Variants in CNTNAP5 observed in about 807,000 individuals in gnomAD.
CNTNAP5 encodes the protein contactin associated protein family member 5.
Under a neutral mutation model 150.2 loss-of-function variants are expected in CNTNAP5, and 72 were observed. The ratio of observed to expected loss-of-function variants is 0.48; its 90% CI spans 0.40 to 0.58. CNTNAP5 has a LOEUF of 0.58. Ranked by LOEUF, CNTNAP5 falls within the 20% of genes least tolerant of loss-of-function variation. CNTNAP5 has a pLI of 0.00. For synonymous variants in CNTNAP5, 672 were observed against 619.8 expected, an observed-to-expected ratio of 1.08 and a Z score of -1.25; for missense variants, 1,636 against 1,626.2, an observed-to-expected ratio of 1.01 and a Z score of -0.10.
At chr2:124,750,414 T>A (rs1224895966) in intron 14 of CNTNAP5, among the ~76,000 whole-genome samples, 3 of 152,218 alleles carry the variant, frequency 2.0e-5, no homozygotes, top group Non-Finnish European at 1.5e-5. Context: ...ATTCAACACT[T>A]CTGAGCTTCA....
At chr2:124,481,120 A>G (rs1033951387) in intron 7 of CNTNAP5, among the ~76,000 whole-genome samples, 4 of 152,190 alleles carry the variant, frequency 2.6e-5, no homozygotes, top group Non-Finnish European at 5.9e-5. Context: ...GGTTCGGGTG[A>G]GGGCTCCCTT....
At chr2:124,891,059 A>AGG in intron 21 of CNTNAP5, among the ~76,000 whole-genome samples, 1 of 152,258 alleles carries the variant, frequency 6.6e-6, no homozygotes, top group East Asian at 1.9e-4. Flanking sequence ...TAGTAGCTTA[A>AGG]ACCAGTATCC....
intron 12 of CNTNAP5, among the ~76,000 whole-genome samples, chr2:124,643,759 T>C (rs1678144936): frequency 6.6e-6 from 1 of 152,232 alleles, no homozygotes; most frequent in African/African-American, 2.4e-5. Context: ...AATATGACCA[T>C]TTTCCAATGA....
rs1333051474 is a variant in CNTNAP5, at chr2:124,593,984, T to C, written c.1757-15817T>C. Among the ~76,000 whole-genome samples, 9 of 98,676 alleles carry C rather than the reference T, an allele frequency of 9.1e-5. 2 individuals carry two copies. The allele number at this position is 98,676 out of a possible 152,430, so 64.7% of individuals were successfully genotyped here. A position where few individuals can be genotyped will look rare whatever the true frequency, so the allele number is the denominator to read the frequency against. On this transcript the variant is annotated intron_variant, in intron 11 of 23. Coordinates refer to ENST00000682447, the MANE Select transcript of CNTNAP5 (RefSeq NM_001367498.1). ...CTTCGCCCACTTTTTGATGGGGTTG[T>C]TTGTTTTTTTCTTGTAAATTTGTTT...
At chr2:124,771,171 C>T (rs190651936) in intron 16 of CNTNAP5, among the ~76,000 whole-genome samples, 38 of 152,098 alleles carry the variant, frequency 2.5e-4, no homozygotes, top group Admixed American at 2.0e-3. Flanking sequence ...TTGGCATTTC[C>T]GATAATTTAA....
intron 10 of CNTNAP5, among the ~76,000 whole-genome samples, chr2:124,536,186 G>T (rs1487650630): frequency 1.3e-5 from 2 of 152,060 alleles, no homozygotes; most frequent in Non-Finnish European, 2.9e-5. Flanking sequence ...GATCATTTCT[G>T]CTTTACTATT....
At chr2:124,855,166 GCTT>G (rs1266990743) in intron 19 of CNTNAP5, among the ~76,000 whole-genome samples, 125 of 77,538 alleles carry the variant, frequency 1.6e-3, no homozygotes, top group African/African-American at 5.2e-3. Flanking sequence ...TTGGGCTTTT[GCTT>G]TTTTTTTTTT....
intron 13 of CNTNAP5, among the ~76,000 whole-genome samples, chr2:124,681,824 A>G (rs1679075691): frequency 6.6e-6 from 1 of 151,870 alleles, no homozygotes; most frequent in South Asian, 2.1e-4. Flanking sequence ...GGCCTTCCTA[A>G]TTGCTGGGAT....
rs79732986 is a variant in CNTNAP5 at position 124,496,914 on chromosome 2, T to C, written c.1063-7378T>C. 1.7e-3 allele frequency among the ~76,000 whole-genome samples: 259 copies of C among 152,296 alleles called. 1 individual carries two copies. The highest frequency in any genetic ancestry group is 5.9e-3 in the African/African-American group (246 of 41,572). On this transcript the variant is annotated intron_variant, in intron 7 of 23. Transcript: ENST00000682447. ...GCATTCTCCTTTCAGTCGTAGCCTA[T>C]CCATAGCTACCTGGATGTATAACCT...
intron 12 of CNTNAP5, among the ~76,000 whole-genome samples, chr2:124,628,802 C>G (rs566035780): frequency 2.6e-5 from 4 of 152,168 alleles, no homozygotes; most frequent in African/African-American, 9.6e-5. Flanking sequence ...CATCAGTGTG[C>G]CATATTAAAG....
intron 3 of CNTNAP5, among the ~76,000 whole-genome samples, chr2:124,314,171 C>T (rs540559189): frequency 2.6e-5 from 4 of 152,224 alleles, no homozygotes; most frequent in African/African-American, 9.6e-5. Flanking sequence ...TCAGACGTGC[C>T]GGCCTAGAGC....
chr2:124,384,460 A>G (rs1690880951), intron 3 of CNTNAP5, among the ~76,000 whole-genome samples: 2 of 152,316 alleles, frequency 1.3e-5, no homozygotes, highest in Middle Eastern at 3.4e-3. Context: ...AAGGAGGTGT[A>G]TTTTGGACAT....
intron 19 of CNTNAP5, among the ~76,000 whole-genome samples, chr2:124,834,601 G>C (rs1340651906): frequency 6.6e-6 from 1 of 152,060 alleles, no homozygotes; most frequent in Admixed American, 6.6e-5. Flanking sequence ...GGTGTGGTGT[G>C]ATCTGTAAGT....
intron 13 of CNTNAP5, among the ~76,000 whole-genome samples, chr2:124,694,088 C>G (rs992847211): frequency 2.0e-5 from 3 of 152,148 alleles, no homozygotes; most frequent in Admixed American, 1.3e-4. Flanking sequence ...GCTGAGTTGG[C>G]ACAGCTCCAT....
intron 1 of CNTNAP5, among the ~76,000 whole-genome samples, chr2:124,199,760 A>G (rs1685675072): frequency 6.6e-6 from 1 of 152,168 alleles, no homozygotes; most frequent in South Asian, 2.1e-4. Context: ...CCTTTTTAAA[A>G]TCACCTTTTC....
At chr2:124,230,594 T>C (rs1686591338) in intron 2 of CNTNAP5, among the ~76,000 whole-genome samples, 2 of 151,782 alleles carry the variant, frequency 1.3e-5, no homozygotes, top group South Asian at 4.2e-4. Context: ...TGCTGTGGCA[T>C]GATCTCGGCT....
chr2:124,421,807 C>T (rs1692108442), intron 4 of CNTNAP5, among the ~76,000 whole-genome samples: 1 of 152,196 alleles, frequency 6.6e-6, no homozygotes, highest in African/African-American at 2.4e-5. Context: ...ATTATAATGT[C>T]ACCTCCTCAG....
chr2:124,368,128 G>A (rs1690423631), intron 3 of CNTNAP5, among the ~76,000 whole-genome samples: 1 of 152,112 alleles, frequency 6.6e-6, no homozygotes, highest in Admixed American at 6.6e-5. Context: ...AGCTTAGGTT[G>A]AAACAAACAA....
chr2:124,674,509 C>CCCTT lies in CNTNAP5; in HGVS notation c.2077+26551_2077+26552insCCTT, dbSNP rs1553430172. ...CCCTCTCTACTTCCTTTCTTTCTTTCTCTTTCTTTCTTTCTTTCTTTCTTT... is the reference window on the plus strand; with the variant it reads ...CCCTCTCTACTTCCTTTCTTTCTTTCCCTTTCTTTCTTTCTTTCTTTCTTTCTTT... On this transcript the variant is annotated intron_variant, in intron 13 of 23. Transcript: ENST00000682447. Among the ~76,000 whole-genome samples the CCCTT allele has an allele frequency of 6.1e-3, 705 of 115,456 alleles. 10 individuals are homozygous for CCCTT. Among genetic ancestry groups the CCCTT allele is most frequent in the African/African-American group, 0.02 (640 of 31,986 alleles). 75.7% of individuals were successfully genotyped at this position (115,456 alleles called of 152,430 possible). A position where few individuals can be genotyped will look rare whatever the true frequency, so the allele number is the denominator to read the frequency against.
Sources: gnomAD v4.1 joint callset for allele counts (sites outside exome capture counted in the v4.1 genomes callset) on GRCh38, gnomAD v4.1.1 for gene constraint, MANE v1.5 for transcripts, NCBI Gene and HGNC (gene_info 2026-07-23, HGNC 2026-07-21) for gene names.